PDS5B: variants seen among roughly 807,000 people sequenced by gnomAD.
PDS5B encodes the protein PDS5 cohesin associated factor B.
PDS5B carries 51 observed loss-of-function variants against 184.1 expected under a neutral mutation model. That is an observed-to-expected ratio of 0.28 (90% confidence interval 0.22 to 0.35). PDS5B has a LOEUF of 0.35. PDS5B is among the 10% of genes least tolerant of loss of function. The pLI is 1.00. For synonymous variants in PDS5B, 566 were observed against 569.2 expected (o/e 0.99, Z 0.08); for missense variants, 1,180 against 1,723.3 (o/e 0.68, Z 5.58).
At chr13:32,600,533 G>A (rs899182454) in intron 1 of PDS5B, among the ~76,000 whole-genome samples, 1 of 152,190 alleles carries the variant, frequency 6.6e-6, no homozygotes. Flanking sequence ...GAGGTGTCAA[G>A]AGTTTGAGAC....
rs1954726613 is a variant in PDS5B, at chr13:32,770,097, ATTGTGATT to A, written c.3625-21_3625-14del. ...TATACTCACAATTTCATAACCATAAATTGTGATTTTTTTTTTCCCCTAGTCTGAATTGG... is the reference window on the plus strand; with the variant it reads ...TATACTCACAATTTCATAACCATAAATTTTTTTTCCCCTAGTCTGAATTGG... On this transcript the variant is annotated splice_polypyrimidine_tract_variant and intron_variant, in intron 31 of 34. Coordinates refer to ENST00000315596, the MANE Select transcript of PDS5B (RefSeq NM_015032.4). The A allele has an allele frequency of 1.3e-6, 2 of 1,546,924 alleles. No homozygotes were observed. The highest frequency in any genetic ancestry group is 2.2e-5 in the Admixed American group (1 of 45,570).
intron 7 of PDS5B, among the ~76,000 whole-genome samples, chr13:32,668,547 T>G (rs1016191985): frequency 6.6e-6 from 1 of 152,194 alleles, no homozygotes; most frequent in African/African-American, 2.4e-5. Context: ...GGTGGCAGTA[T>G]TCATATTATA....
At chr13:32,756,409 A>G (rs1593616213) in intron 26 of PDS5B, among the ~76,000 whole-genome samples, 1 of 152,196 alleles carries the variant, frequency 6.6e-6, no homozygotes, top group African/African-American at 2.4e-5. Context: ...TAACTGGGGA[A>G]CTACTCCTAC....
intron 6 of PDS5B, among the ~76,000 whole-genome samples, chr13:32,662,200 G>A (rs972188660): frequency 1.1e-4 from 16 of 152,128 alleles, no homozygotes; most frequent in Admixed American, 1.0e-3. Context: ...AGACATAGTA[G>A]TCTTTAATGG....
intron 1 of PDS5B, among the ~76,000 whole-genome samples, chr13:32,611,924 T>G (rs1484627002): frequency 6.6e-6 from 1 of 152,208 alleles, no homozygotes; most frequent in East Asian, 1.9e-4. Flanking sequence ...GCAGAATCTT[T>G]ACTTTTCAAC....
At chr13:32,659,119 G>T in intron 5 of PDS5B, 35 bp from the exon 6 acceptor site, 2 of 1,493,368 alleles carry the variant, frequency 1.3e-6, no homozygotes, top group Non-Finnish European at 1.8e-6. Flanking sequence ...GTATATCTCA[G>T]TTGTAATTGA....
intron 24 of PDS5B, among the ~76,000 whole-genome samples, chr13:32,749,148 C>T (rs1410153174): frequency 6.6e-6 from 1 of 152,186 alleles, no homozygotes; most frequent in African/African-American, 2.4e-5. Flanking sequence ...TGAGCACACT[C>T]TCCTTTACTT....
At chr13:32,766,914 T>C (rs572505012) in intron 31 of PDS5B, among the ~76,000 whole-genome samples, 2 of 152,192 alleles carry the variant, frequency 1.3e-5, no homozygotes, top group African/African-American at 4.8e-5. Flanking sequence ...AAAAGAATTA[T>C]AGTAATTAAA....
chr13:32,698,049 CTT>C (rs11314908), intron 15 of PDS5B, among the ~76,000 whole-genome samples: 130 of 146,896 alleles, frequency 8.8e-4, no homozygotes, highest in Middle Eastern at 6.9e-3. Flanking sequence ...TCCCTAAGTT[CTT>C]TTTTTTTTTT....
chr13:32,627,453 T>C (rs778583290), intron 1 of PDS5B, among the ~76,000 whole-genome samples: 4 of 152,342 alleles, frequency 2.6e-5, no homozygotes, highest in African/African-American at 9.6e-5. Context: ...TTTAAAAATA[T>C]GTAGTTCATT....
chr13:32,688,801 G>T, intron 13 of PDS5B: 1 of 443,636 alleles, frequency 2.3e-6, no homozygotes, highest in Non-Finnish European at 4.1e-6. Flanking sequence ...AAATCTTTTA[G>T]GATTTGAGTT....
chr13:32,736,390 T>C (rs1883074307), intron 21 of PDS5B, among the ~76,000 whole-genome samples: 1 of 152,128 alleles, frequency 6.6e-6, no homozygotes, highest in Admixed American at 6.5e-5. Flanking sequence ...GGATGCTTTC[T>C]TTGGGTTAAG....
At chr13:32,668,534 T>A (rs1006137593) in intron 7 of PDS5B, among the ~76,000 whole-genome samples, 1 of 152,174 alleles carries the variant, frequency 6.6e-6, no homozygotes, top group African/African-American at 2.4e-5. Flanking sequence ...TTCTACAGAT[T>A]TAGGTGGCAG....
intron 21 of PDS5B, among the ~76,000 whole-genome samples, chr13:32,739,071 A>G (rs1026419278): frequency 1.3e-5 from 2 of 152,180 alleles, no homozygotes; most frequent in African/African-American, 2.4e-5. Flanking sequence ...TTCCTACTCT[A>G]ATGTCATGAA....
chr13:32,754,111 A>G (rs1954083503), intron 25 of PDS5B, among the ~76,000 whole-genome samples: 1 of 152,178 alleles, frequency 6.6e-6, no homozygotes, highest in Non-Finnish European at 1.5e-5. Context: ...AAATGTCTTG[A>G]ACATTTATCT....
At chr13:32,643,922 G>A (rs1415900385) in intron 1 of PDS5B, among the ~76,000 whole-genome samples, 1 of 152,128 alleles carries the variant, frequency 6.6e-6, no homozygotes, top group East Asian at 1.9e-4. Context: ...CTGGAACGTC[G>A]ATGAACTAGT....
chr13:32,618,214 A>AG (rs1377382921), intron 1 of PDS5B, among the ~76,000 whole-genome samples: 1 of 152,204 alleles, frequency 6.6e-6, no homozygotes, highest in East Asian at 1.9e-4. Flanking sequence ...AGAATTTTGG[A>AG]GGGGACACAT....
intron 1 of PDS5B, among the ~76,000 whole-genome samples, chr13:32,636,178 T>C (rs1360139040): frequency 6.6e-6 from 1 of 152,270 alleles, no homozygotes; most frequent in African/African-American, 2.4e-5. Context: ...AGGGTGACTG[T>C]ATGCGAGTTC....
intron 18 of PDS5B, 89 bp downstream of exon 18, chr13:32,707,128 A>G: frequency 1.5e-6 from 1 of 680,654 alleles, no homozygotes. Context: ...TTTCTTCTTA[A>G]GTTTGTATAA....
Sources: allele counts gnomAD v4.1 joint callset (sites outside exome capture counted in the v4.1 genomes callset), GRCh38; gene constraint gnomAD v4.1.1; transcripts MANE v1.5; gene names NCBI Gene and HGNC (gene_info 2026-07-23, HGNC 2026-07-21).